Variants in CPPED1 observed in about 807,000 individuals in gnomAD.
CPPED1 encodes the protein serine/threonine-protein phosphatase CPPED1.
In CPPED1, 28 loss-of-function variants were observed where a neutral mutation model predicts 28.0. That is an observed-to-expected ratio of 1.00 (90% CI 0.74 to 1.37). The LOEUF (loss-of-function observed/expected upper bound fraction) is 1.37. CPPED1 is among the 40% of genes most tolerant of loss of function. The pLI is 0.00. For missense variants in CPPED1, 504 were observed against 416.5 expected (o/e 1.21, Z -1.83); for synonymous variants, 198 against 180.2 (o/e 1.10, Z -0.79).
intron 3 of CPPED1, among the ~76,000 whole-genome samples, chr16:12,675,163 G>C (rs2079871703): frequency 6.6e-6 from 1 of 152,172 alleles, no homozygotes; most frequent in Non-Finnish European, 1.5e-5. Flanking sequence ...AATAAATCTT[G>C]GTTTCCCTGA....
intron 2 of CPPED1, among the ~76,000 whole-genome samples, chr16:12,739,926 A>C (rs2080245406): frequency 6.6e-6 from 1 of 152,158 alleles, no homozygotes; most frequent in African/African-American, 2.4e-5. Flanking sequence ...GAGGAAAATA[A>C]CAAGAAATTG....
intron 2 of CPPED1, among the ~76,000 whole-genome samples, chr16:12,711,136 C>A (rs534852646): frequency 6.6e-6 from 1 of 152,084 alleles, no homozygotes; most frequent in Non-Finnish European, 1.5e-5. Flanking sequence ...ATCCATACAA[C>A]GAAATATTAT....
At chr16:12,802,228 T>C (rs2080664462) in intron 1 of CPPED1, among the ~76,000 whole-genome samples, 1 of 152,160 alleles carries the variant, frequency 6.6e-6, no homozygotes, top group Non-Finnish European at 1.5e-5. Context: ...ATAAGGTATA[T>C]AATCATCCAA....
chr16:12,704,475 C>T, intron 3 of CPPED1, 149 bp downstream of exon 3: 1 of 746,290 alleles, frequency 1.3e-6, no homozygotes, highest in Non-Finnish European at 2.2e-6. Flanking sequence ...GCCAGACATG[C>T]AGTCTGCAAG....
In CPPED1 at chr16:12,683,035, C is replaced by T. The variant is rs111456130; in HGVS notation, c.716-17920G>A. On this transcript the variant is annotated intron_variant, in intron 3 of 3. Transcript: ENST00000381774. ...ACTCGAGGGAGGTAGACAGACGTGGCGGCCAGCCACGGAAGGAAAATGTTT... is the reference window on the plus strand; with the variant it reads ...ACTCGAGGGAGGTAGACAGACGTGGTGGCCAGCCACGGAAGGAAAATGTTT... 2.4e-3 allele frequency among the ~76,000 whole-genome samples: 373 copies of T among 152,292 alleles called. 1 individual carries two copies. The highest frequency in any genetic ancestry group is 8.2e-3 in the African/African-American group (342 of 41,562).
In CPPED1 at chr16:12,661,855, G is replaced by C. The variant is rs2079796637; in HGVS notation, c.*3031C>G. On this transcript the variant is annotated 3_prime_UTR_variant, in exon 4 of 4. Coordinates refer to ENST00000381774, the MANE Select transcript of CPPED1 (RefSeq NM_018340.3). ...CTGAACCTGGTGCAATCAGGGTCTG[G>C]TCTAGGCTTTGCAGAGCTGGGAGGA... 2 of 152,416 alleles carry C rather than the reference G, an allele frequency of 1.3e-5. No homozygotes were observed. Among genetic ancestry groups the C allele is most frequent in the South Asian group, 2.1e-4 (1 of 4,836 alleles). The allele number at this position is 152,416 out of a possible 1,614,324, so 9.4% of individuals were successfully genotyped here. A position where few individuals can be genotyped will look rare whatever the true frequency, so the allele number is the denominator to read the frequency against.
At chr16:12,694,339 T>C (rs1038283504) in intron 3 of CPPED1, among the ~76,000 whole-genome samples, 3 of 152,184 alleles carry the variant, frequency 2.0e-5, no homozygotes, top group African/African-American at 7.2e-5. Flanking sequence ...ATTTGCTGAA[T>C]GGATAAACGT....
rs551340070 is a variant in CPPED1 at position 12,782,049 on chromosome 16, C to T, written c.71-646G>A. ...ATGTGGGCATCCGTGAGGTGTGAGG[C>T]TGGGGGTGGGGACTCTTTTATGTTC... On this transcript the variant is annotated intron_variant, in intron 1 of 3. Transcript: ENST00000381774. 3.9e-5 allele frequency among the ~76,000 whole-genome samples: 6 copies of T among 151,978 alleles called. No homozygotes were observed. The South Asian group carries it at 1.2e-3, about 32-fold the overall frequency.
At chr16:12,750,315 C>A (rs944589254) in intron 2 of CPPED1, among the ~76,000 whole-genome samples, 1 of 152,194 alleles carries the variant, frequency 6.6e-6, no homozygotes, top group Non-Finnish European at 1.5e-5. Flanking sequence ...TCTCACTAAG[C>A]TTAATCATTT....
intron 2 of CPPED1, among the ~76,000 whole-genome samples, chr16:12,714,299 G>T (rs1028471962): frequency 6.6e-6 from 1 of 152,092 alleles, no homozygotes; most frequent in Non-Finnish European, 1.5e-5. Context: ...CATCTCTCTT[G>T]AGTGTATACC....
chr16:12,684,334 G>C (rs2079921482), intron 3 of CPPED1, among the ~76,000 whole-genome samples: 2 of 152,112 alleles, frequency 1.3e-5, no homozygotes, highest in African/African-American at 4.8e-5. Flanking sequence ...AACAAAATGA[G>C]ACCCCATCTC....
intron 2 of CPPED1, among the ~76,000 whole-genome samples, chr16:12,753,655 A>G (rs2080345339): frequency 6.6e-6 from 1 of 151,908 alleles, no homozygotes; most frequent in African/African-American, 2.4e-5. Flanking sequence ...CACCTCATAC[A>G]TTCATAAATT....
chr16:12,705,143 G>C (rs2080043192), intron 2 of CPPED1, 94 bp from the exon 3 acceptor site: 2 of 1,312,458 alleles, frequency 1.5e-6, no homozygotes, highest in Non-Finnish European at 1.0e-6. Flanking sequence ...TTTAAAAAAA[G>C]AGTAATCTGG....
intron 1 of CPPED1, among the ~76,000 whole-genome samples, chr16:12,791,952 G>A (rs553747347): frequency 6.6e-6 from 1 of 151,188 alleles, no homozygotes; most frequent in South Asian, 2.1e-4. Context: ...TCTTCCAGCG[G>A]TATCTTTTTT....
intron 3 of CPPED1, among the ~76,000 whole-genome samples, chr16:12,666,009 C>T (rs552001693): frequency 2.4e-4 from 37 of 151,934 alleles, no homozygotes; most frequent in Non-Finnish European, 4.3e-4. Context: ...CCCAGCTACT[C>T]GGGAGGCTGA....
At chr16:12,798,314 C>A (rs1014853485) in intron 1 of CPPED1, among the ~76,000 whole-genome samples, 1 of 152,150 alleles carries the variant, frequency 6.6e-6, no homozygotes, top group Non-Finnish European at 1.5e-5. Flanking sequence ...AAATATATCT[C>A]AAATAAGAGA....
Position 12,803,749 on chromosome 16 carries a change from A to G in CPPED1, c.28T>C (p.Phe10Leu). The G allele has an allele frequency of 6.3e-7, 1 of 1,597,844 alleles. No individual in the cohort carries two copies. The highest frequency in any genetic ancestry group is 8.5e-7 in the Non-Finnish European group (1 of 1,173,502). The change falls in exon 1 of 4, where the codon TTC (phenylalanine) becomes CTC (leucine). Residue 10 changes from phenylalanine to leucine, a missense_variant. Phe to Leu is a conservative substitution (Grantham distance 22). Transcript: ENST00000381774. MSAAEAGGV[F>L]HRARGRTLAA... ...AGGGTCCTGCCCCTGGCTCTGTGGA[A>G]AACACCCCCCGCCTCTGCAGCCGAC...
At chr16:12,712,393 T>C (rs891515970) in intron 2 of CPPED1, among the ~76,000 whole-genome samples, 1 of 152,178 alleles carries the variant, frequency 6.6e-6, no homozygotes, top group Non-Finnish European at 1.5e-5. Context: ...GAATTGGAAA[T>C]ATCCATTTAA....
intron 3 of CPPED1, among the ~76,000 whole-genome samples, chr16:12,694,739 G>T (rs1432775794): frequency 8.1e-6 from 1 of 123,256 alleles, no homozygotes; most frequent in African/African-American, 3.3e-5. Flanking sequence ...GGTGGGGGGG[G>T]GGGCGGGGGC....
Sources: gnomAD v4.1 joint callset for allele counts (sites outside exome capture counted in the v4.1 genomes callset) on GRCh38, gnomAD v4.1.1 for gene constraint, MANE v1.5 for transcripts, NCBI Gene and HGNC (gene_info 2026-07-23, HGNC 2026-07-21) for gene names.